Variants in CAPS2 observed in about 807,000 individuals in gnomAD.
The protein encoded by CAPS2 is calcyphosine 2, also known as calcyphosin-2.
In CAPS2, 98 loss-of-function variants were observed where a neutral mutation model predicts 86.5. The ratio of observed to expected loss-of-function variants is 1.13; its 90% confidence interval spans 0.96 to 1.34. The LOEUF (loss-of-function observed/expected upper bound fraction) is 1.34. Ranked by LOEUF, CAPS2 falls within the 40% of genes most tolerant of loss-of-function variation. The pLI is 0.00. For missense variants in CAPS2, 729 were observed against 686.8 expected, an observed-to-expected ratio of 1.06 and a Z score of -0.69; for synonymous variants, 210 against 225.1, an observed-to-expected ratio of 0.93 and a Z score of 0.60.
chr12:75,346,378 T>C (rs911080411), intron 1 of CAPS2, among the ~76,000 whole-genome samples: 2 of 152,132 alleles, frequency 1.3e-5, no homozygotes, highest in South Asian at 4.1e-4. Flanking sequence ...ACCACAAAGA[T>C]GGCTGAAAGC....
intron 1 of CAPS2, among the ~76,000 whole-genome samples, chr12:75,378,360 G>C (rs2044773003): frequency 6.6e-6 from 1 of 152,140 alleles, no homozygotes; most frequent in Non-Finnish European, 1.5e-5. Context: ...GCTTACATCT[G>C]TCAGTGTTCT....
chr12:75,337,350 G>T (rs1264756399), intron 1 of CAPS2, among the ~76,000 whole-genome samples: 1 of 151,476 alleles, frequency 6.6e-6, no homozygotes, highest in East Asian at 1.9e-4. Flanking sequence ...TAAACCAGTA[G>T]TAAAAAAAAG....
chr12:75,327,026 TG>T (rs2040847079), upstream of CAPS2, among the ~76,000 whole-genome samples: 1 of 152,216 alleles, frequency 6.6e-6, no homozygotes, highest in Non-Finnish European at 1.5e-5. Flanking sequence ...GATTTTCCTA[TG>T]GCGCTTCCAG....
At chr12:75,375,178 C>T (rs905014323) in intron 1 of CAPS2, among the ~76,000 whole-genome samples, 1 of 152,190 alleles carries the variant, frequency 6.6e-6, no homozygotes, top group Non-Finnish European at 1.5e-5. Flanking sequence ...CTGCCAGCTG[C>T]TAAGTATGTC....
intron 7 of CAPS2, among the ~76,000 whole-genome samples, chr12:75,309,747 C>A (rs1242995118): frequency 2.0e-5 from 3 of 152,186 alleles, no homozygotes; most frequent in Non-Finnish European, 4.4e-5. Flanking sequence ...AAGTTAGGAA[C>A]TAAATCTTCT....
intron 1 of CAPS2, chr12:75,343,858 A>T: frequency 6.2e-7 from 1 of 1,612,074 alleles, no homozygotes; most frequent in Non-Finnish European, 8.5e-7. Context: ...AAGACATGCC[A>T]TTACGGCTTG....
At chr12:75,349,956 G>C (rs1031956770) in intron 1 of CAPS2, among the ~76,000 whole-genome samples, 7 of 152,248 alleles carry the variant, frequency 4.6e-5, no homozygotes, top group African/African-American at 1.7e-4. Context: ...CTGCTGGCCA[G>C]CGGGGCAGGC....
At chr12:75,298,542 A>AAG in intron 11 of CAPS2, 145 bp downstream of exon 11, 1 of 560,652 alleles carries the variant, frequency 1.8e-6, no homozygotes, top group Non-Finnish European at 3.1e-6. Context: ...GCAAAACATC[A>AAG]ACCATTAGCC....
intron 1 of CAPS2, among the ~76,000 whole-genome samples, chr12:75,378,894 C>T (rs1032200788): frequency 1.3e-5 from 2 of 152,104 alleles, no homozygotes; most frequent in African/African-American, 4.8e-5. Context: ...GTAACGTAAG[C>T]TTTCACTATT....
chr12:75,304,502 T>C (rs980100426), intron 8 of CAPS2, among the ~76,000 whole-genome samples: 36 of 152,186 alleles, frequency 2.4e-4, no homozygotes, highest in African/African-American at 8.4e-4. Context: ...TTCACATCCA[T>C]TATCTCCAAA....
At chr12:75,362,230 T>C (rs2043643871) in intron 1 of CAPS2, among the ~76,000 whole-genome samples, 1 of 152,114 alleles carries the variant, frequency 6.6e-6, no homozygotes, top group African/African-American at 2.4e-5. Context: ...ACAAAGAAGA[T>C]ATGTAGGTAA....
At chr12:75,356,091 A>G (rs1266708986) in intron 1 of CAPS2, among the ~76,000 whole-genome samples, 1 of 152,162 alleles carries the variant, frequency 6.6e-6, no homozygotes, top group Non-Finnish European at 1.5e-5. Flanking sequence ...ACATTTACCT[A>G]TGTCACAAAC....
At chr12:75,283,866 C>T (rs376459225) in intron 15 of CAPS2, among the ~76,000 whole-genome samples, 2 of 152,002 alleles carry the variant, frequency 1.3e-5, no homozygotes, top group Non-Finnish European at 2.9e-5. Flanking sequence ...AAAGGGAAGA[C>T]CATGTGAGGA....
chr12:75,324,895 T>C (rs199946141), intron 2 of CAPS2, among the ~76,000 whole-genome samples: 1 of 152,126 alleles, frequency 6.6e-6, no homozygotes, highest in African/African-American at 2.4e-5. Context: ...CTTAAATTGA[T>C]GCCAACTAAA....
chr12:75,322,011 T>C, intron 4 of CAPS2, among the ~76,000 whole-genome samples: 1 of 152,162 alleles, frequency 6.6e-6, no homozygotes, highest in Non-Finnish European at 1.5e-5. Flanking sequence ...CAATATATTC[T>C]ATCTATTTGC....
chr12:75,310,142 A>T (rs760346812), intron 7 of CAPS2, among the ~76,000 whole-genome samples: 1 of 152,208 alleles, frequency 6.6e-6, no homozygotes, highest in Non-Finnish European at 1.5e-5. Context: ...TGCCCTCATG[A>T]AGCTCACATT....
chr12:75,281,858 A>G (rs1462421753), intron 16 of CAPS2, among the ~76,000 whole-genome samples: 1 of 152,144 alleles, frequency 6.6e-6, no homozygotes, highest in African/African-American at 2.4e-5. Flanking sequence ...GTATAGCTCC[A>G]TCCCTAGAGA....
At chr12:75,299,911 C>T (rs117647160) in exon 9 of CAPS2, 25,777 of 1,333,256 alleles carry the variant, frequency 0.019, 311 homozygotes, top group Middle Eastern at 0.05. Flanking sequence ...GAGTTCTTAT[C>T]CTGTTAAGAA....
At chr12:75,326,775 G>A (rs1312822789), upstream of CAPS2, among the ~76,000 whole-genome samples, 1 of 152,126 alleles carries the variant, frequency 6.6e-6, no homozygotes, top group African/African-American at 2.4e-5. Context: ...ATGGCAAAAA[G>A]GACTTCAGAT....
Sources: gnomAD v4.1 joint callset for allele counts (sites outside exome capture counted in the v4.1 genomes callset) on GRCh38, gnomAD v4.1.1 for gene constraint, MANE v1.5 for transcripts, NCBI Gene and HGNC (gene_info 2026-07-23, HGNC 2026-07-21) for gene names.